Variants in KDM5B observed in about 807,000 individuals in gnomAD.
KDM5B encodes the protein lysine demethylase 5B, also known as lysine-specific demethylase 5B.
A neutral mutation model predicts 193.4 loss-of-function variants in KDM5B; 144 were observed. The observed-to-expected ratio is 0.74, with a 90% CI of 0.65 to 0.86. KDM5B has a LOEUF of 0.86. KDM5B is among the 40% of genes least tolerant of loss of function. The pLI is 0.00. For synonymous variants in KDM5B, 668 were observed against 682.6 expected (o/e 0.98, Z 0.33); for missense variants, 1,833 against 1,886.9 (o/e 0.97, Z 0.53).
At chr1:202,729,332 C>T in intron 26 of KDM5B, 159 bp from the exon 27 acceptor site, 1 of 742,282 alleles carries the variant, frequency 1.3e-6, no homozygotes, top group Non-Finnish European at 2.2e-6. Context: ...GTGTAGCTGG[C>T]CCCCTAGCCA....
chr1:202,800,609 G>A (rs560089826), intron 1 of KDM5B, among the ~76,000 whole-genome samples: 1 of 152,280 alleles, frequency 6.6e-6, no homozygotes, highest in Admixed American at 6.5e-5. Context: ...CCAAAGTGCT[G>A]GAATTACAGG....
intron 1 of KDM5B, among the ~76,000 whole-genome samples, chr1:202,788,982 C>T (rs1215160597): frequency 2.0e-5 from 3 of 152,120 alleles, no homozygotes; most frequent in African/African-American, 4.8e-5. Context: ...CTGACCCCAA[C>T]CTTGCCTAAG....
At position 202,753,012 on chromosome 1, in the gene KDM5B, T is replaced by C. The variant is rs753359729; in HGVS notation, c.1594A>G (p.Asn532Asp). The stretch of plus-strand genomic sequence containing the variant: ...TCTGGAGCTAGTTTCTTCATTACAT[T>C]TTCTAGCTGCTCAGCAGCATACCCT... ...VPGYAAEQLE[N>D]VMKKLAPELF... The change falls in exon 12 of 27, where the codon AAT becomes GAT. Residue 532 changes from asparagine to aspartate, a missense_variant. Around this residue, in one of 3 missense-constraint regions of KDM5B, gnomAD observed 1,379 missense variants for 1,349.6 expected, o/e 1.02. Transcript: ENST00000367265. 1.1e-5 allele frequency: 18 copies of C among 1,613,984 alleles called. No homozygotes were observed. Among genetic ancestry groups the C allele is most frequent in the Non-Finnish European group, 1.5e-5 (18 of 1,180,000 alleles).
chr1:202,749,156 A>G lies in KDM5B; in HGVS notation c.1822-17T>C, dbSNP rs762815725. Reference sequence around the variant, plus strand: ...TAATGGCAGCTGTATCAAAACACGGAAAGAAAAAAATAACATTCATCTTTC... The same window carrying G: ...TAATGGCAGCTGTATCAAAACACGGGAAGAAAAAAATAACATTCATCTTTC... On this transcript the variant is annotated splice_polypyrimidine_tract_variant and intron_variant, in intron 13 of 26. Transcript: ENST00000367265. The G allele has an allele frequency of 8.8e-6, 14 of 1,596,734 alleles. No homozygotes were observed. The South Asian group carries it at 1.5e-4, about 17-fold the overall frequency.
rs1024437179 is a variant in KDM5B at position 202,808,419 on chromosome 1, T to G, written c.-114A>C. On this transcript the variant is annotated 5_prime_UTR_variant, in exon 1 of 27. Transcript: ENST00000367265. ...CTCGAGCAACAGCAAGTCCGAGTTG[T>G]ACGGGCAACGGCAGCACCTTGGGCT... 6.3e-6 allele frequency: 6 copies of G among 949,320 alleles called. No individual in the cohort carries two copies. Among genetic ancestry groups the G allele is most frequent in the South Asian group, 1.7e-5 (1 of 58,216 alleles). The allele number at this position is 949,320 out of a possible 1,614,324, so 58.8% of individuals were successfully genotyped here.
chr1:202,744,942 A>G (rs781689859), intron 16 of KDM5B, among the ~76,000 whole-genome samples: 1 of 152,254 alleles, frequency 6.6e-6, no homozygotes, highest in Admixed American at 6.5e-5. Context: ...AATGTGGTAC[A>G]TATACACCAT....
intron 1 of KDM5B, among the ~76,000 whole-genome samples, chr1:202,783,637 G>A (rs1043987134): frequency 2.6e-5 from 4 of 152,194 alleles, no homozygotes; most frequent in African/African-American, 9.7e-5. Flanking sequence ...CAGCACTTCG[G>A]GAGGCCGAGG....
At chr1:202,759,193 T>C (rs1219847470) in intron 8 of KDM5B, among the ~76,000 whole-genome samples, 1 of 152,210 alleles carries the variant, frequency 6.6e-6, no homozygotes, top group Non-Finnish European at 1.5e-5. Flanking sequence ...CTTACTATTA[T>C]AATTCAACCC....
At chr1:202,741,243 T>C (rs1655325052) in intron 19 of KDM5B, 124 bp downstream of exon 19, 1 of 577,022 alleles carries the variant, frequency 1.7e-6, no homozygotes, top group Non-Finnish European at 2.9e-6. Flanking sequence ...TATTTCTACA[T>C]GTCTTCCACA....
intron 13 of KDM5B, among the ~76,000 whole-genome samples, chr1:202,749,650 A>C (rs889785962): frequency 1.3e-5 from 2 of 151,988 alleles, no homozygotes; most frequent in African/African-American, 4.8e-5. Context: ...AATCTTACAT[A>C]TCTTAATTAA....
intron 3 of KDM5B, among the ~76,000 whole-genome samples, chr1:202,773,618 T>C (rs1330335826): frequency 6.6e-6 from 1 of 152,206 alleles, no homozygotes; most frequent in East Asian, 1.9e-4. Flanking sequence ...CTTGGTCTTA[T>C]TCTGGGCTCT....
chr1:202,730,863 C>A (rs761670011), intron 25 of KDM5B, 46 bp downstream of exon 25: 3 of 1,532,382 alleles, frequency 2.0e-6, no homozygotes, highest in South Asian at 2.5e-5. Context: ...AAAGCATACC[C>A]CCACCCCAGA....
intron 4 of KDM5B, among the ~76,000 whole-genome samples, chr1:202,772,120 T>C (rs1656745332): frequency 6.6e-6 from 1 of 152,120 alleles, no homozygotes; most frequent in South Asian, 2.1e-4. Flanking sequence ...CCTCAAAAAC[T>C]ATGTTATTCT....
chr1:202,730,639 T>G (rs1264295142), intron 25 of KDM5B, among the ~76,000 whole-genome samples: 1 of 152,230 alleles, frequency 6.6e-6, no homozygotes, highest in Non-Finnish European at 1.5e-5. Context: ...TCCTAGTAGA[T>G]TTCTATCCTA....
intron 1 of KDM5B, among the ~76,000 whole-genome samples, chr1:202,805,945 G>A (rs1040231957): frequency 1.3e-5 from 2 of 152,212 alleles, no homozygotes; most frequent in Non-Finnish European, 2.9e-5. Flanking sequence ...AGTACTGGTT[G>A]TATTTGTAGA....
At position 202,808,263 on chromosome 1, in the gene KDM5B, G is replaced by C. The variant is rs759290713; in HGVS notation, c.43C>G (p.Leu15Val). Residue 15 changes from leucine to valine, a missense_variant, in exon 1 of 27, where the codon CTG becomes GTG. Physicochemically the swap from Leu to Val is conservative, Grantham distance 32. Around this residue, in one of 3 missense-constraint regions of KDM5B, gnomAD observed 355 missense variants for 374.9 expected, o/e 0.95. Transcript: ENST00000367265. ...AGCGGGCCCGGGCCCCCGAGGGGCAGCGCCGGGCGCGGGCCTGGGTGCAGT... is the reference window on the plus strand; with the variant it reads ...AGCGGGCCCGGGCCCCCGAGGGGCACCGCCGGGCGCGGGCCTGGGTGCAGT... ...TTLHPGPRPA[L>V]PLGGPGPLGE... 1.7e-5 allele frequency: 28 copies of C among 1,609,362 alleles called. No individual in the cohort carries two copies. The South Asian group carries it at 3.0e-4, about 17-fold the overall frequency.
Position 202,750,725 on chromosome 1 carries a change from G to T in KDM5B, c.1755C>A (p.Ala585=), listed in dbSNP as rs1302782002. The T allele has an allele frequency of 6.2e-7, 1 of 1,613,900 alleles. No individual in the cohort carries two copies. The change falls in exon 13 of 27, where the codon GCC becomes GCA. Residue 585 remains alanine (A), a synonymous_variant. Coordinates refer to ENST00000367265, the MANE Select transcript of KDM5B (RefSeq NM_006618.5). The stretch of plus-strand genomic sequence containing the variant: ...AACCCTGGTTAAAACCACTGTGGTA[G>T]GCTCTTGGAAATGTAATCACAAACT... ...AGEFVITFPR[A]YHSGFNQGFN...
chr1:202,750,997 G>C (rs1254754418), intron 12 of KDM5B, among the ~76,000 whole-genome samples: 1 of 152,090 alleles, frequency 6.6e-6, no homozygotes, highest in Non-Finnish European at 1.5e-5. Context: ...ATTAGTATCT[G>C]AACACAAAAC....
chr1:202,758,280 C>G, intron 9 of KDM5B, 111 bp downstream of exon 9: 2 of 747,380 alleles, frequency 2.7e-6, no homozygotes, highest in Admixed American at 6.1e-5. Context: ...ATTCTGCTTT[C>G]TGTGTGACAA....
Sources: gnomAD v4.1 joint callset for allele counts (sites outside exome capture counted in the v4.1 genomes callset) on GRCh38, gnomAD v4.1.1 for gene constraint, gnomAD v4.1.1 regional missense constraint, MANE v1.5 for transcripts, NCBI Gene and HGNC (gene_info 2026-07-23, HGNC 2026-07-21) for gene names.